Variants in CUBN observed in about 807,000 individuals in gnomAD.
CUBN encodes the protein 460 kDa receptor.
A neutral mutation model predicts 405.3 loss-of-function variants in CUBN; 282 were observed. That is an observed-to-expected ratio of 0.70 (90% CI 0.63 to 0.77). The LOEUF (loss-of-function observed/expected upper bound fraction) is 0.77, where lower values mean the gene tolerates loss of function less well. Among genes scored for constraint, CUBN ranks in the 30% least tolerant of loss-of-function variants. The pLI, the probability that CUBN is intolerant of heterozygous loss-of-function variation, is 0.00. For missense variants in CUBN, 4,514 were observed against 4,475.2 expected, an observed-to-expected ratio of 1.01 and a Z score of -0.25; for synonymous variants, 1,684 against 1,617.0, an observed-to-expected ratio of 1.04 and a Z score of -0.99.
chr10:16,868,444 T>G (rs918257615), intron 59 of CUBN, among the ~76,000 whole-genome samples: 1 of 152,214 alleles, frequency 6.6e-6, no homozygotes, highest in Non-Finnish European at 1.5e-5. Context: ...GCCTGGATTT[T>G]TCTGAGTCTT....
rs931080855 is a variant in CUBN, at chr10:17,001,152, G to A, written c.4169-10637C>T. Among the ~76,000 whole-genome samples the A allele has an allele frequency of 1.2e-4, 19 of 152,308 alleles. No homozygotes were observed. In the South Asian group the frequency reaches 2.7e-3, roughly 22 times the overall value. On this transcript the variant is annotated intron_variant, in intron 28 of 66. Transcript: ENST00000377833. ...TTCTTCCCGGTGGGTTTCTGGTCTC[G>A]CTGGCTTCAGGAGTGAAGGTGGAGA...
At chr10:16,878,318 A>G (rs896890819) in intron 56 of CUBN, among the ~76,000 whole-genome samples, 3 of 152,176 alleles carry the variant, frequency 2.0e-5, no homozygotes, top group Admixed American at 1.3e-4. Context: ...TTATTATGAA[A>G]GGAAAGGAAA....
chr10:17,042,561 C>T (rs1835042397), intron 26 of CUBN, among the ~76,000 whole-genome samples: 2 of 152,020 alleles, frequency 1.3e-5, no homozygotes, highest in Admixed American at 1.3e-4. Flanking sequence ...AACCCTTAAA[C>T]AATCTGATTA....
At chr10:16,856,061 A>C (rs1295226383) in intron 59 of CUBN, among the ~76,000 whole-genome samples, 4 of 152,202 alleles carry the variant, frequency 2.6e-5, no homozygotes, top group Non-Finnish European at 5.9e-5. Context: ...TGGTGGGGGA[A>C]TATAAACAAG....
chr10:16,934,447 T>C (rs1299705771), intron 39 of CUBN, among the ~76,000 whole-genome samples: 1 of 152,232 alleles, frequency 6.6e-6, no homozygotes, highest in Non-Finnish European at 1.5e-5. Context: ...TTCTTTACCC[T>C]ATTACTATGT....
intron 56 of CUBN, among the ~76,000 whole-genome samples, chr10:16,879,303 G>C (rs936475872): frequency 3.3e-5 from 5 of 152,108 alleles, no homozygotes; most frequent in African/African-American, 1.2e-4. Flanking sequence ...AATTTTAATT[G>C]CTCTGATGAT....
At chr10:16,902,554 T>C (rs963511353) in intron 51 of CUBN, among the ~76,000 whole-genome samples, 2 of 152,042 alleles carry the variant, frequency 1.3e-5, no homozygotes, top group Non-Finnish European at 2.9e-5. Flanking sequence ...GACTCTTCTT[T>C]GAATCTGATG....
rs530982878 is a variant in CUBN, at chr10:17,102,245, G to A, written c.1530+880C>T. On this transcript the variant is annotated intron_variant, in intron 13 of 66. Transcript: ENST00000377833. ...TTTCATTATTTCATCTATAAAAGGAGGATCCTCCTATTTATTTATTTATTT... is the reference window on the plus strand; with the variant it reads ...TTTCATTATTTCATCTATAAAAGGAAGATCCTCCTATTTATTTATTTATTT... 1.9e-4 allele frequency among the ~76,000 whole-genome samples: 28 copies of A among 146,274 alleles called. No homozygotes were observed. In the East Asian group the frequency reaches 5.8e-3, roughly 30 times the overall value.
chr10:17,122,980 A>T, intron 5 of CUBN, 82 bp from the exon 6 acceptor site: 3 of 919,900 alleles, frequency 3.3e-6, no homozygotes, highest in Admixed American at 1.7e-5. Flanking sequence ...ACGTTTAAGG[A>T]TTTATACGTG....
chr10:16,840,805 A>G, intron 61 of CUBN, 80 bp downstream of exon 61: 1 of 1,278,542 alleles, frequency 7.8e-7, no homozygotes, highest in Non-Finnish European at 1.1e-6. Context: ...TGAAATTTCG[A>G]TATAATAAGC....
At chr10:17,129,542 T>G (rs953113854) in intron 1 of CUBN, 102 bp downstream of exon 1, 8 of 1,481,886 alleles carry the variant, frequency 5.4e-6, no homozygotes, top group East Asian at 2.3e-5. Flanking sequence ...TCAACATAAT[T>G]TTCCTCAAGA....
At position 16,928,233 on chromosome 10, in the gene CUBN, A is replaced by C. The variant is rs758743854; in HGVS notation, c.6195T>G (p.Thr2065=). 3 of 1,614,026 alleles carry C rather than the reference A, an allele frequency of 1.9e-6. No individual in the cohort carries two copies. The highest frequency in any genetic ancestry group is 2.5e-6 in the Non-Finnish European group (3 of 1,179,890). ...TGAAGCGGATGAACATGTACTCTCC[A>C]GTAGACCGGATGGGCCCAGGGATCT... ...GREIPGPIRS[T]GEYMFIRFTS... Residue 2065 remains threonine (T), a synonymous_variant, in exon 41 of 67, where the codon ACT becomes ACG. Transcript: ENST00000377833.
chr10:16,921,881 G>A (rs1422705709), intron 43 of CUBN, among the ~76,000 whole-genome samples: 1 of 152,030 alleles, frequency 6.6e-6, no homozygotes, highest in Admixed American at 6.6e-5. Flanking sequence ...CCACTTACTG[G>A]GCATCTCCAA....
intron 56 of CUBN, among the ~76,000 whole-genome samples, chr10:16,886,833 G>C (rs1156783244): frequency 6.6e-6 from 1 of 152,206 alleles, no homozygotes; most frequent in East Asian, 1.9e-4. Flanking sequence ...TTGTCGCCCA[G>C]GCTGGAGTGC....
At chr10:16,845,734 A>T (rs1639858385) in intron 60 of CUBN, among the ~76,000 whole-genome samples, 1 of 152,244 alleles carries the variant, frequency 6.6e-6, no homozygotes, top group African/African-American at 2.4e-5. Context: ...CCTCATGTGG[A>T]TAGGAACGTG....
intron 14 of CUBN, among the ~76,000 whole-genome samples, chr10:17,097,493 A>T (rs1429931640): frequency 2.6e-5 from 4 of 152,180 alleles, no homozygotes; most frequent in African/African-American, 9.6e-5. Context: ...TCAATCTTAC[A>T]CAAATCCTTC....
At chr10:16,969,225 A>G (rs570003049) in intron 31 of CUBN, among the ~76,000 whole-genome samples, 2 of 148,412 alleles carry the variant, frequency 1.3e-5, no homozygotes, top group East Asian at 4.0e-4. Flanking sequence ...TTGCAGGAGC[A>G]GAGATGACAA....
intron 28 of CUBN, among the ~76,000 whole-genome samples, chr10:17,004,560 C>A (rs1833966970): frequency 6.6e-6 from 1 of 152,128 alleles, no homozygotes; most frequent in Admixed American, 6.5e-5. Context: ...CCACCATGCA[C>A]CAAATCATAC....
intron 14 of CUBN, among the ~76,000 whole-genome samples, chr10:17,095,253 CAAAATT>C (rs372072745): frequency 1.3e-5 from 2 of 151,926 alleles, no homozygotes; most frequent in African/African-American, 2.4e-5. Context: ...AAAGTCAACT[CAAAATT>C]AAAGACTTAA....
Sources: gnomAD v4.1 joint callset for allele counts (sites outside exome capture counted in the v4.1 genomes callset) on GRCh38, gnomAD v4.1.1 for gene constraint, MANE v1.5 for transcripts, NCBI Gene and HGNC (gene_info 2026-07-23, HGNC 2026-07-21) for gene names.